CNST: variants seen among roughly 807,000 people sequenced by gnomAD.
The protein encoded by CNST is consortin, connexin sorting protein.
A neutral mutation model predicts 72.4 loss-of-function variants in CNST; 39 were observed. The observed-to-expected ratio is 0.54, with a 90% CI of 0.42 to 0.70. The LOEUF (loss-of-function observed/expected upper bound fraction) is 0.70. Among genes scored for constraint, CNST ranks in the 30% least tolerant of loss-of-function variants. CNST has a pLI of 0.00. For synonymous variants in CNST, 332 were observed against 320.1 expected (o/e 1.04, Z -0.40); for missense variants, 871 against 868.5 (o/e 1.00, Z -0.04).
chr1:246,612,583 A>G (rs1381146796), intron 2 of CNST, among the ~76,000 whole-genome samples: 1 of 152,166 alleles, frequency 6.6e-6, no homozygotes, highest in Non-Finnish European at 1.5e-5. Flanking sequence ...TTTTAAAAAA[A>G]TAGCCCCCCA....
chr1:246,626,045 T>C (rs1664410042), intron 3 of CNST, among the ~76,000 whole-genome samples: 1 of 151,700 alleles, frequency 6.6e-6, no homozygotes, highest in African/African-American at 2.4e-5. Context: ...TCCGGCTCAT[T>C]TTCTGAGTTC....
At position 246,574,839 on chromosome 1, in the gene CNST, T is replaced by C. The variant is rs148819465; in HGVS notation, c.-52+8176T>C. ...CCTAAATCTCTCTTATAAGCAGCTATGGCTTTATAAGGATTCCTATGTAAA... is the reference window on the plus strand; with the variant it reads ...CCTAAATCTCTCTTATAAGCAGCTACGGCTTTATAAGGATTCCTATGTAAA... On this transcript the variant is annotated intron_variant, in intron 1 of 10. Coordinates refer to ENST00000366513, the MANE Select transcript of CNST (RefSeq NM_152609.3). Among the ~76,000 whole-genome samples the C allele has an allele frequency of 1.4e-3, 207 of 152,288 alleles. 3 individuals carry two copies. The East Asian group carries it at 0.038, about 28-fold the overall frequency.
intron 3 of CNST, among the ~76,000 whole-genome samples, chr1:246,629,838 T>G (rs138001297): frequency 0.029 from 4,471 of 152,308 alleles, 218 homozygotes; most frequent in African/African-American, 0.1. Flanking sequence ...TTCAAGTGAT[T>G]CTTCTGCCTC....
intron 1 of CNST, among the ~76,000 whole-genome samples, chr1:246,586,109 A>ATGTGTGTGTGTGTGTGTG (rs371447612): frequency 2.2e-4 from 27 of 122,170 alleles, no homozygotes; most frequent in Non-Finnish European, 3.8e-4. Context: ...ATATATATAT[A>ATGTGTGTGTGTGTGTGTG]TATGTGTGTG....
chr1:246,571,196 G>A (rs1660048441), intron 1 of CNST, among the ~76,000 whole-genome samples: 1 of 152,168 alleles, frequency 6.6e-6, no homozygotes, highest in South Asian at 2.1e-4. Context: ...GCCCAGGGTG[G>A]AGTGCAGTGG....
At chr1:246,600,335 G>A (rs1174800839) in intron 2 of CNST, among the ~76,000 whole-genome samples, 1 of 152,176 alleles carries the variant, frequency 6.6e-6, no homozygotes, top group Non-Finnish European at 1.5e-5. Context: ...GACCAGTTTG[G>A]GCCTTAACAA....
chr1:246,647,471 TTTC>T lies in CNST; in HGVS notation c.1273_1275del (p.Leu425del). 1 of 1,614,174 alleles carries T rather than the reference TTTC, an allele frequency of 6.2e-7. No individual in the cohort carries two copies. The highest frequency in any genetic ancestry group is 8.5e-7 in the Non-Finnish European group (1 of 1,180,044). On this transcript the variant is annotated inframe_deletion, in exon 9 of 11. Transcript: ENST00000366513. Reference sequence around the variant, plus strand: ...GGGCATTGCTGAAGACCCTAAGGTGTTTCTTTCCAGCAAGTCAAAGACAGAGCC... The same window carrying T: ...GGGCATTGCTGAAGACCCTAAGGTGTTTTCCAGCAAGTCAAAGACAGAGCC...
chr1:246,572,497 T>G (rs994211920), intron 1 of CNST, among the ~76,000 whole-genome samples: 1 of 142,572 alleles, frequency 7.0e-6, no homozygotes, highest in African/African-American at 2.6e-5. Context: ...GATTTTTCAA[T>G]AAGGATTTTT....
At chr1:246,637,410 C>A (rs1166418187) in intron 6 of CNST, among the ~76,000 whole-genome samples, 1 of 152,242 alleles carries the variant, frequency 6.6e-6, no homozygotes, top group Non-Finnish European at 1.5e-5. Flanking sequence ...CGCTGCTTCA[C>A]AAATGAAAGA....
intron 1 of CNST, among the ~76,000 whole-genome samples, chr1:246,567,891 C>CTT (rs570077036): frequency 4.7e-4 from 71 of 152,260 alleles, no homozygotes; most frequent in African/African-American, 1.6e-3. Flanking sequence ...CAGAAATACA[C>CTT]TTTTTTCCCC....
chr1:246,642,135 T>TG, intron 8 of CNST, 98 bp downstream of exon 8: 1 of 286,492 alleles, frequency 3.5e-6, no homozygotes, highest in Non-Finnish European at 6.1e-6. Flanking sequence ...AGGATCTGGT[T>TG]TTTTTTTTTT....
intron 2 of CNST, among the ~76,000 whole-genome samples, chr1:246,615,625 T>C (rs978691521): frequency 6.7e-6 from 1 of 148,734 alleles, no homozygotes; most frequent in African/African-American, 2.5e-5. Flanking sequence ...ACGCCTGTAA[T>C]CCCAGCACTT....
chr1:246,634,876 TC>T (rs1279940969), intron 6 of CNST, among the ~76,000 whole-genome samples: 1 of 151,820 alleles, frequency 6.6e-6, no homozygotes, highest in Non-Finnish European at 1.5e-5. Flanking sequence ...TTTTACAGTC[TC>T]CTGTAAACAG....
chr1:246,667,655 T>G lies in CNST; in HGVS notation c.*1750T>G, dbSNP rs746088391. ...AAATTTTAAGAATTTGTATTCAAAT[T>G]GTATGTAAAATATGTAAAATGTTGA... On this transcript the variant is annotated 3_prime_UTR_variant, in exon 11 of 11. Coordinates refer to ENST00000366513, the MANE Select transcript of CNST (RefSeq NM_152609.3). 9 of 152,214 alleles carry G rather than the reference T, an allele frequency of 5.9e-5. No homozygotes were observed. Among genetic ancestry groups the G allele is most frequent in the Non-Finnish European group, 1.2e-4 (8 of 68,034 alleles). The allele number at this position is 152,214 out of a possible 1,614,324, so 9.4% of individuals were successfully genotyped here.
chr1:246,607,467 C>A (rs1201710572), intron 2 of CNST: 3 of 152,262 alleles, frequency 2.0e-5, no homozygotes, highest in African/African-American at 7.2e-5. Context: ...GGAGTTAACC[C>A]CGGGAGCGCG....
At chr1:246,602,185 CAAAATATAATA>C (rs1414259630) in intron 2 of CNST, among the ~76,000 whole-genome samples, 4 of 152,052 alleles carry the variant, frequency 2.6e-5, no homozygotes, top group Admixed American at 1.3e-4. Context: ...AAGGGATCAA[CAAAATATAATA>C]AAAAAGCAGA....
intron 2 of CNST, among the ~76,000 whole-genome samples, chr1:246,597,079 A>C (rs2103033162): frequency 6.6e-6 from 1 of 152,268 alleles, no homozygotes; most frequent in East Asian, 1.9e-4. Context: ...CTAGGAGTGG[A>C]ATTGCTGGAT....
chr1:246,625,947 A>C lies in CNST; in HGVS notation c.585+4313A>C, dbSNP rs1332483715. Among the ~76,000 whole-genome samples, 5 of 152,146 alleles carry C rather than the reference A, an allele frequency of 3.3e-5. No homozygotes were observed. The East Asian group carries it at 9.6e-4, about 29-fold the overall frequency. ...AGCTATTGGAAACGTCAAGTTGATC[A>C]CATACTCTGTTTTGAAGCGTTTTGT... On this transcript the variant is annotated intron_variant, in intron 3 of 10. Transcript: ENST00000366513.
At chr1:246,639,566 A>G (rs6659356) in intron 6 of CNST, among the ~76,000 whole-genome samples, 72,597 of 151,834 alleles carry the variant, frequency 0.48, 19,187 homozygotes, top group African/African-American at 0.69. Flanking sequence ...CACTCTGCCA[A>G]GAAATTTAAA....
Sources: allele counts gnomAD v4.1 joint callset (sites outside exome capture counted in the v4.1 genomes callset), GRCh38; gene constraint gnomAD v4.1.1; transcripts MANE v1.5; gene names NCBI Gene and HGNC (gene_info 2026-07-23, HGNC 2026-07-21).